SGSH: variants seen among roughly 807,000 people sequenced by gnomAD.
SGSH encodes the protein N-sulfoglucosamine sulfohydrolase, also known as heparan sulfate sulfatase.
SGSH carries 48 observed loss-of-function variants against 51.0 expected under a neutral mutation model. The ratio of observed to expected loss-of-function variants is 0.94; its 90% confidence interval spans 0.75 to 1.20. The LOEUF (loss-of-function observed/expected upper bound fraction) is 1.20, where lower values mean the gene tolerates loss of function less well. Among genes scored for constraint, SGSH ranks in the 50% most tolerant of loss-of-function variants. SGSH has a pLI of 0.00. For missense variants in SGSH, 662 were observed against 717.8 expected (o/e 0.92, Z 0.89); for synonymous variants, 321 against 313.4 (o/e 1.02, Z -0.26).
At chr17:80,218,611 C>T (rs1257274348) in intron 1 of SGSH, among the ~76,000 whole-genome samples, 1 of 152,220 alleles carries the variant, frequency 6.6e-6, no homozygotes, top group African/African-American at 2.4e-5. Flanking sequence ...CACATGGCAG[C>T]CACGTAAACC....
chr17:80,215,192 G>T, intron 2 of SGSH, 54 bp from the exon 3 acceptor site: 1 of 1,340,902 alleles, frequency 7.5e-7, no homozygotes, highest in Non-Finnish European at 1.1e-6. Context: ...GAGCCCGCCT[G>T]CCGCACCTGT....
In SGSH at chr17:80,217,018, C is replaced by A. The variant is rs1253526533; in HGVS notation, c.249+14G>T. 1.9e-6 allele frequency: 3 copies of A among 1,547,690 alleles called. No individual in the cohort carries two copies. Among genetic ancestry groups the A allele is most frequent in the Non-Finnish European group, 2.6e-6 (3 of 1,148,018 alleles). On this transcript the variant is annotated intron_variant, in intron 2 of 7. Transcript: ENST00000326317. ...CTCCCTGCCCACCCCCTCCTCCCGC[C>A]CCTTGCACCTCACCTGGGGCAGGCC...
In SGSH at chr17:80,219,875, G is replaced by A. The variant is rs139365536; in HGVS notation, c.88+351C>T. The A allele has an allele frequency of 7.1e-4, 173 of 242,520 alleles. 1 individual carries two copies. In the East Asian group the frequency reaches 0.013, roughly 19 times the overall value. 15.0% of individuals were successfully genotyped at this position (242,520 alleles called of 1,614,324 possible). A position where few individuals can be genotyped will look rare whatever the true frequency, so the allele number is the denominator to read the frequency against. ...AGGGCACCCTGTCTGCAGTCTCTGG[G>A]GACCGGAGCACCAGCCCCTCCTCTG... is the stretch of plus-strand genomic sequence containing the variant. On this transcript the variant is annotated intron_variant, in intron 1 of 7. Coordinates refer to ENST00000326317, the MANE Select transcript of SGSH (RefSeq NM_000199.5).
At chr17:80,211,522 ACC>A (rs1439045779) in intron 7 of SGSH, 1 of 263,086 alleles carries the variant, frequency 3.8e-6, no homozygotes, top group Non-Finnish European at 7.4e-6. Context: ...GTCTTCCTGC[ACC>A]CGTGTCTTTG....
downstream of SGSH, chr17:80,205,389 G>C: frequency 8.0e-7 from 1 of 1,246,644 alleles, no homozygotes; most frequent in East Asian, 2.5e-5. Flanking sequence ...GGGTGTGCAG[G>C]GTCAGGTTTG....
At position 80,216,858 on chromosome 17, in the gene SGSH, C is replaced by T. The variant is rs555412934; in HGVS notation, c.249+174G>A. 28 of 649,856 alleles carry T rather than the reference C, an allele frequency of 4.3e-5. No homozygotes were observed. The Admixed American group carries it at 4.4e-4, about 10-fold the overall frequency. 40.3% of individuals were successfully genotyped at this position (649,856 alleles called of 1,614,324 possible). A position where few individuals can be genotyped will look rare whatever the true frequency, so the allele number is the denominator to read the frequency against. On this transcript the variant is annotated intron_variant, in intron 2 of 7. Coordinates refer to ENST00000326317, the MANE Select transcript of SGSH (RefSeq NM_000199.5). ...GTGCAGCCAGGGCTGGCGGGTGAGT[C>T]GGAGCCCCTAGTCTGCACTCACAGC...
chr17:80,210,663 C>A lies in SGSH; in HGVS notation c.1298G>T (p.Arg433Leu). ...CCGGTCGTAGAGCTCCCAGCGCGCC[C>A]GGTAGTAGTAATGACGGAGGTCCTT... ...WYKDLRHYYY[R>L]ARWELYDRSR... The change falls in exon 8 of 8, where the codon CGG (arginine) becomes CTG (leucine). Residue 433 changes from arginine (R) to leucine (L), a missense_variant. Arg to Leu is a moderately radical substitution (Grantham distance 102). Coordinates refer to ENST00000326317, the MANE Select transcript of SGSH (RefSeq NM_000199.5). 6.2e-7 allele frequency: 1 copy of A among 1,613,896 alleles called. No individual in the cohort carries two copies. The highest frequency in any genetic ancestry group is 8.5e-7 in the Non-Finnish European group (1 of 1,179,934).
At chr17:80,202,108 T>G (rs1027952292), downstream of SGSH, 1 of 1,409,720 alleles carries the variant, frequency 7.1e-7, no homozygotes, top group Non-Finnish European at 9.9e-7. Flanking sequence ...TCTCCTACTT[T>G]AATTTTCTGC....
Position 80,213,569 on chromosome 17 carries a change from C to T in SGSH, c.745+235G>A. The T allele has an allele frequency of 1.7e-6, 1 of 588,580 alleles. No homozygotes were observed. The highest frequency in any genetic ancestry group is 3.0e-6 in the Non-Finnish European group (1 of 329,236). 36.5% of individuals were successfully genotyped at this position (588,580 alleles called of 1,614,324 possible). A position where few individuals can be genotyped will look rare whatever the true frequency, so the allele number is the denominator to read the frequency against. ...AATATCTGAAGTCTTCACGCAACCT[C>T]TGGGGCACCCGAAGGCCCCAGCCCA... On this transcript the variant is annotated intron_variant, in intron 6 of 7. Coordinates refer to ENST00000326317, the MANE Select transcript of SGSH (RefSeq NM_000199.5). The surrounding 1 kb of genome is among the most constrained non-coding windows in gnomAD (Gnocchi z 4.6).
chr17:80,220,297 GGCACGGGGCA>G lies in SGSH; in HGVS notation c.7_16del (p.Cys3ProfsTer8). 1 of 1,516,638 alleles carries G rather than the reference GGCACGGGGCA, an allele frequency of 6.6e-7. No homozygotes were observed. The allele number at this position is 1,516,638 out of a possible 1,614,324, so 93.9% of individuals were successfully genotyped here. A position where few individuals can be genotyped will look rare whatever the true frequency, so the allele number is the denominator to read the frequency against. On this transcript the variant is annotated frameshift_variant, in exon 1 of 8. Coordinates refer to ENST00000326317, the MANE Select transcript of SGSH (RefSeq NM_000199.5). LOFTEE classifies it high-confidence loss of function. ...GACTAGCAGCAGCGCGCAGCAGGCG[GGCACGGGGCA>G]GCTCATGGCGGCGGCGGCTCGGACT...
downstream of SGSH, chr17:80,208,149 A>G (rs2041449908): frequency 6.5e-7 from 1 of 1,542,898 alleles, no homozygotes; most frequent in Non-Finnish European, 8.8e-7. Context: ...AAGGGCCTAC[A>G]GCGGTTGGGC....
At chr17:80,202,714 G>C, downstream of SGSH, 3 of 807,884 alleles carry the variant, frequency 3.7e-6, no homozygotes, top group Non-Finnish European at 5.2e-6. Flanking sequence ...GTCTGTGGTG[G>C]GGCCGTCCTG....
Position 80,212,852 on chromosome 17 carries a change from C to A in SGSH, c.746-578G>T, listed in dbSNP as rs934199328. ...AATAAAGATCTTGGGACAAAATCAT[C>A]CTGAAGTGCTCAGGTAGGCCCTAAA... On this transcript the variant is annotated intron_variant, in intron 6 of 7. Transcript: ENST00000326317. This position sits in a 1 kb window ranked among gnomAD's most constrained non-coding sequence, Gnocchi z 5.9. The A allele has an allele frequency of 2.1e-5, 4 of 187,206 alleles. No individual in the cohort carries two copies. In the Admixed American group the frequency reaches 2.1e-4, roughly 10 times the overall value. 11.6% of individuals were successfully genotyped at this position (187,206 alleles called of 1,614,324 possible). A position where few individuals can be genotyped will look rare whatever the true frequency, so the allele number is the denominator to read the frequency against.
At chr17:80,215,232 C>T (rs2041846567) in intron 2 of SGSH, 94 bp from the exon 3 acceptor site, 1 of 871,860 alleles carries the variant, frequency 1.1e-6, no homozygotes. Context: ...CCCCAGGGGC[C>T]TTCTCGGGGC....
chr17:80,213,527 C>A lies in SGSH; in HGVS notation c.745+277G>T. 1 of 549,254 alleles carries A rather than the reference C, an allele frequency of 1.8e-6. No homozygotes were observed. Among genetic ancestry groups the A allele is most frequent in the Non-Finnish European group, 3.3e-6 (1 of 306,970 alleles). 34.0% of individuals were successfully genotyped at this position (549,254 alleles called of 1,614,324 possible). A position where few individuals can be genotyped will look rare whatever the true frequency, so the allele number is the denominator to read the frequency against. ...GAACTCCAAACCCCCAAATCTGACC[C>A]AGGTCCTGTGACTGGAAATATCTGA... On this transcript the variant is annotated intron_variant, in intron 6 of 7. Transcript: ENST00000326317. The surrounding 1 kb of genome is among the most constrained non-coding windows in gnomAD (Gnocchi z 4.6).
At chr17:80,204,754 C>T, downstream of SGSH, 1 of 439,316 alleles carries the variant, frequency 2.3e-6, no homozygotes, top group Non-Finnish European at 4.0e-6. Context: ...ACCCTGGCTT[C>T]CGCCATCCTC....
intron 5 of SGSH, 130 bp downstream of exon 5, chr17:80,214,042 G>A (rs1327022921): frequency 7.2e-7 from 1 of 1,380,070 alleles, no homozygotes; most frequent in South Asian, 1.2e-5. Flanking sequence ...CCCGAGGTTG[G>A]GAACCTGAAT....
Position 80,215,163 on chromosome 17 carries a change from C to T in SGSH, c.250-25G>A, listed in dbSNP as rs552025349. The T allele has an allele frequency of 2.3e-5, 37 of 1,578,876 alleles. No homozygotes were observed. In the East Asian group the frequency reaches 5.9e-4, roughly 25 times the overall value. ...GCTGCCAGCAAAGGCGCATGAGGTC[C>T]GGGGCCCCCGGACAGCCAGAGCCCG... On this transcript the variant is annotated intron_variant, in intron 2 of 7. Coordinates refer to ENST00000326317, the MANE Select transcript of SGSH (RefSeq NM_000199.5).
Position 80,215,021 on chromosome 17 carries a change from C to T in SGSH, c.355+12G>A, listed in dbSNP as rs376088400. 48 of 1,601,476 alleles carry T rather than the reference C, an allele frequency of 3.0e-5. No homozygotes were observed. Among genetic ancestry groups the T allele is most frequent in the Non-Finnish European group, 3.6e-5 (42 of 1,173,924 alleles). ...CTCACCCCACGCCCTGTCCTCGGCA[C>T]GGGGTCCTCACCTGTGCGCACACCA... On this transcript the variant is annotated intron_variant, in intron 3 of 7. Transcript: ENST00000326317.
Sources: allele counts gnomAD v4.1 joint callset (sites outside exome capture counted in the v4.1 genomes callset), GRCh38; gene constraint gnomAD v4.1.1; non-coding constraint Gnocchi (gnomAD v3.1); transcripts MANE v1.5; gene names NCBI Gene and HGNC (gene_info 2026-07-23, HGNC 2026-07-21).